RAPGEF2: variants seen among roughly 807,000 people sequenced by gnomAD.
RAPGEF2 encodes PDZ domain containing guanine nucleotide exchange factor (GEF) 1.
Under a neutral mutation model 186.7 loss-of-function variants are expected in RAPGEF2, and 54 were observed. That is an observed-to-expected ratio of 0.29 (90% CI 0.23 to 0.36). The LOEUF is 0.36. Among genes scored for constraint, RAPGEF2 ranks in the 10% least tolerant of loss-of-function variants. The probability of loss-of-function intolerance (pLI) is 1.00; values close to 1 mark genes in which losing one functional copy is unlikely to be tolerated. For synonymous variants in RAPGEF2, 712 were observed against 705.9 expected, an observed-to-expected ratio of 1.01 and a Z score of -0.14; for missense variants, 1,532 against 2,045.0, an observed-to-expected ratio of 0.75 and a Z score of 4.84.
At chr4:159,152,487 G>C (rs566913500) in intron 1 of RAPGEF2, among the ~76,000 whole-genome samples, 117 of 152,272 alleles carry the variant, frequency 7.7e-4, no homozygotes, top group African/African-American at 2.4e-3. Flanking sequence ...AAATTGGTAT[G>C]TCCATGTGGC....
intron 1 of RAPGEF2, among the ~76,000 whole-genome samples, chr4:159,149,020 G>A (rs1271841644): frequency 6.6e-6 from 1 of 152,098 alleles, no homozygotes; most frequent in Admixed American, 6.5e-5. Context: ...TCTGCATCTT[G>A]CCTCTCTAAG....
At chr4:159,265,976 A>G (rs748707777) in intron 7 of RAPGEF2, among the ~76,000 whole-genome samples, 5 of 152,216 alleles carry the variant, frequency 3.3e-5, no homozygotes, top group Non-Finnish European at 7.3e-5. Flanking sequence ...CCATGGGATG[A>G]GGAATGGTGA....
rs1560994917 is a variant in RAPGEF2 at position 159,131,521 on chromosome 4, T to TTG, written c.69+27291_69+27292insGT. On this transcript the variant is annotated intron_variant, in intron 1 of 29. Coordinates refer to ENST00000691494, the MANE Select transcript of RAPGEF2 (RefSeq NM_001394067.2). ...ATATCTTTGTCTGATTAATTGCTAT[T>TTG]TTTTTTTTTTTTTTTTTTTTTTTTT... Among the ~76,000 whole-genome samples, 5 of 84,124 alleles carry TTG rather than the reference T, an allele frequency of 5.9e-5. 1 individual carries two copies. Among genetic ancestry groups the TTG allele is most frequent in the African/African-American group, 1.5e-4 (2 of 13,364 alleles). The allele number at this position is 84,124 out of a possible 152,430, so 55.2% of individuals were successfully genotyped here.
intron 7 of RAPGEF2, among the ~76,000 whole-genome samples, chr4:159,264,152 C>G (rs898960313): frequency 2.0e-5 from 3 of 151,898 alleles, no homozygotes; most frequent in African/African-American, 7.3e-5. Context: ...CAGTGTTTGG[C>G]GTATTATAAC....
intron 1 of RAPGEF2, among the ~76,000 whole-genome samples, chr4:159,112,140 G>A (rs997177490): frequency 6.6e-6 from 1 of 152,124 alleles, no homozygotes; most frequent in Admixed American, 6.5e-5. Flanking sequence ...TTACCTTTTG[G>A]TTAAAATGAA....
At chr4:159,313,177 A>G (rs1401675573) in intron 8 of RAPGEF2, among the ~76,000 whole-genome samples, 1 of 152,068 alleles carries the variant, frequency 6.6e-6, no homozygotes, top group Non-Finnish European at 1.5e-5. Context: ...AAAGAAAAAG[A>G]AAATAGCACA....
At chr4:159,309,102 A>C (rs979890355) in intron 8 of RAPGEF2, among the ~76,000 whole-genome samples, 2 of 152,208 alleles carry the variant, frequency 1.3e-5, no homozygotes, top group East Asian at 3.8e-4. Flanking sequence ...AGTGTAATAC[A>C]AAGACAGGTC....
chr4:159,342,863 C>A, intron 20 of RAPGEF2, 116 bp from the exon 21 acceptor site: 2 of 920,150 alleles, frequency 2.2e-6, no homozygotes, highest in Non-Finnish European at 3.2e-6. Flanking sequence ...TCTTATGCAG[C>A]CTTCTGTAAA....
At chr4:159,114,653 A>G (rs897293723) in intron 1 of RAPGEF2, among the ~76,000 whole-genome samples, 2 of 152,260 alleles carry the variant, frequency 1.3e-5, no homozygotes, top group East Asian at 1.9e-4. Context: ...GTAGATCACA[A>G]TATTTGTTAT....
At chr4:159,140,538 T>A (rs1742201031) in intron 1 of RAPGEF2, among the ~76,000 whole-genome samples, 1 of 152,188 alleles carries the variant, frequency 6.6e-6, no homozygotes, top group Non-Finnish European at 1.5e-5. Flanking sequence ...GTTACAAGTA[T>A]CAGAGAATTC....
intron 1 of RAPGEF2, among the ~76,000 whole-genome samples, chr4:159,108,378 ACTTT>A (rs1446926687): frequency 5.6e-5 from 8 of 142,244 alleles, no homozygotes; most frequent in African/African-American, 1.0e-4. Flanking sequence ...ATTTCACAGA[ACTTT>A]CTTTTTTTTT....
chr4:159,182,598 C>T (rs1466203927), intron 1 of RAPGEF2, among the ~76,000 whole-genome samples: 1 of 151,976 alleles, frequency 6.6e-6, no homozygotes, highest in East Asian at 1.9e-4. Context: ...GTTTCACCAT[C>T]TTGGCCAGGC....
chr4:159,333,974 A>G (rs1767046239), intron 17 of RAPGEF2, among the ~76,000 whole-genome samples: 1 of 152,212 alleles, frequency 6.6e-6, no homozygotes, highest in South Asian at 2.1e-4. Context: ...AATGTGATTT[A>G]AAATATACTA....
intron 1 of RAPGEF2, among the ~76,000 whole-genome samples, chr4:159,156,666 T>G (rs563426539): frequency 4.6e-5 from 7 of 152,204 alleles, no homozygotes; most frequent in African/African-American, 1.7e-4. Context: ...CAGGCCCCAG[T>G]GTGTGATGTT....
At chr4:159,149,684 T>C (rs1743324008) in intron 1 of RAPGEF2, among the ~76,000 whole-genome samples, 1 of 152,244 alleles carries the variant, frequency 6.6e-6, no homozygotes, top group South Asian at 2.1e-4. Context: ...TGAGTATGTA[T>C]TTCCCTAAAT....
intron 7 of RAPGEF2, among the ~76,000 whole-genome samples, chr4:159,300,996 T>A (rs1762595920): frequency 6.6e-6 from 1 of 152,212 alleles, no homozygotes; most frequent in African/African-American, 2.4e-5. Flanking sequence ...GTCAAATCAA[T>A]GCATTTCAGT....
chr4:159,246,435 GTTA>G (rs1217308654), intron 7 of RAPGEF2, among the ~76,000 whole-genome samples: 3 of 152,036 alleles, frequency 2.0e-5, no homozygotes, highest in Non-Finnish European at 2.9e-5. Flanking sequence ...TAAAACTAAG[GTTA>G]TTATTCTGTA....
intron 17 of RAPGEF2, among the ~76,000 whole-genome samples, chr4:159,334,260 A>AT (rs573518141): frequency 5.7e-4 from 86 of 152,076 alleles, no homozygotes; most frequent in Non-Finnish European, 3.1e-4. Flanking sequence ...AAATTAATTT[A>AT]TTTTTTTGAG....
chr4:159,316,171 C>T (rs1450756620), intron 9 of RAPGEF2, among the ~76,000 whole-genome samples: 1 of 152,192 alleles, frequency 6.6e-6, no homozygotes, highest in Admixed American at 6.5e-5. Flanking sequence ...CTCTTGTCTT[C>T]TGGTCACTCC....
Sources: gnomAD v4.1 joint callset for allele counts (sites outside exome capture counted in the v4.1 genomes callset) on GRCh38, gnomAD v4.1.1 for gene constraint, MANE v1.5 for transcripts, NCBI Gene and HGNC (gene_info 2026-07-23, HGNC 2026-07-21) for gene names.